The following ADSS2 variants were observed in gnomAD, a reference collection of about 807,000 sequenced individuals.
The protein encoded by ADSS2 is adenylosuccinate synthase 2, also known as adenylosuccinate synthetase isozyme 2.
In ADSS2, 30 loss-of-function variants were observed where a neutral mutation model predicts 60.0. The ratio of observed to expected loss-of-function variants is 0.50; its 90% CI spans 0.37 to 0.68. The LOEUF (loss-of-function observed/expected upper bound fraction) is 0.68, where lower values mean the gene tolerates loss of function less well. Ranked by LOEUF, ADSS2 falls within the 30% of genes least tolerant of loss-of-function variation. The pLI is 0.00. For synonymous variants in ADSS2, 187 were observed against 193.1 expected (o/e 0.97, Z 0.26); for missense variants, 373 against 554.8 (o/e 0.67, Z 3.29).
chr1:244,434,355 A>G (rs1322004373), intron 3 of ADSS2, among the ~76,000 whole-genome samples: 2 of 147,536 alleles, frequency 1.4e-5, no homozygotes, highest in African/African-American at 4.9e-5. Context: ...CATGTCTCCA[A>G]AAAAAAAAAA....
intron 7 of ADSS2, among the ~76,000 whole-genome samples, chr1:244,422,100 TA>T (rs1664688607): frequency 6.6e-6 from 1 of 152,246 alleles, no homozygotes; most frequent in Admixed American, 6.5e-5. Flanking sequence ...TTGTAGGTCA[TA>T]TTTTTTTAGA....
chr1:244,445,105 C>T (rs746605502), intron 1 of ADSS2, among the ~76,000 whole-genome samples: 10 of 152,170 alleles, frequency 6.6e-5, no homozygotes, highest in African/African-American at 1.7e-4. Context: ...CTGTCACCTA[C>T]GGGAAGCATC....
chr1:244,422,778 A>G, intron 7 of ADSS2, 57 bp downstream of exon 7: 1 of 1,323,208 alleles, frequency 7.6e-7, no homozygotes, highest in Non-Finnish European at 1.1e-6. Context: ...AAAGATCTAG[A>G]TGCCAATTTG....
intron 1 of ADSS2, among the ~76,000 whole-genome samples, chr1:244,441,464 TA>T (rs1665246205): frequency 6.6e-6 from 1 of 152,212 alleles, no homozygotes; most frequent in African/African-American, 2.4e-5. Context: ...TGTTATAAAG[TA>T]TTTGGTAATT....
intron 12 of ADSS2, among the ~76,000 whole-genome samples, chr1:244,409,914 C>T (rs573505783): frequency 2.8e-4 from 43 of 152,324 alleles, no homozygotes; most frequent in South Asian, 2.3e-3. Context: ...TATTGACCAA[C>T]ACCAGCAGAG....
intron 3 of ADSS2, among the ~76,000 whole-genome samples, chr1:244,434,247 T>A (rs908070199): frequency 9.3e-5 from 14 of 151,270 alleles, no homozygotes; most frequent in Admixed American, 2.6e-4. Flanking sequence ...TCCCAGCTAC[T>A]CGGGAGGCCG....
chr1:244,436,716 T>C, intron 3 of ADSS2, 109 bp downstream of exon 3: 1 of 914,260 alleles, frequency 1.1e-6, no homozygotes, highest in Non-Finnish European at 1.7e-6. Flanking sequence ...TCGTCTATAA[T>C]AGCCCGAAAT....
chr1:244,434,466 A>T (rs944809418), intron 3 of ADSS2, among the ~76,000 whole-genome samples: 4 of 152,214 alleles, frequency 2.6e-5, no homozygotes, highest in Non-Finnish European at 4.4e-5. Flanking sequence ...CTAATCTTTA[A>T]CAATGAAAAA....
intron 7 of ADSS2, 102 bp from the exon 8 acceptor site, chr1:244,420,398 A>C: frequency 3.8e-6 from 4 of 1,043,490 alleles, no homozygotes; most frequent in Non-Finnish European, 5.4e-6. Context: ...AAAACTGACA[A>C]ACGCAAAGTA....
intron 1 of ADSS2, among the ~76,000 whole-genome samples, chr1:244,445,303 G>A (rs1665357251): frequency 6.6e-6 from 1 of 152,194 alleles, no homozygotes; most frequent in East Asian, 1.9e-4. Context: ...ACACCTTGCT[G>A]AATTTACATC....
chr1:244,436,091 G>A (rs1375384338), intron 3 of ADSS2, among the ~76,000 whole-genome samples: 1 of 152,184 alleles, frequency 6.6e-6, no homozygotes, highest in African/African-American at 2.4e-5. Context: ...AACTGTGTGC[G>A]TGCCTATGTT....
At chr1:244,419,049 G>T in intron 8 of ADSS2, 135 bp from the exon 9 acceptor site, 1 of 804,538 alleles carries the variant, frequency 1.2e-6, no homozygotes. Flanking sequence ...CCCTCTCAAA[G>T]ACTCAGTGTT....
At position 244,420,058 on chromosome 1, in the gene ADSS2, T is replaced by C. The variant is rs530164941; in HGVS notation, c.790+112A>G. The C allele has an allele frequency of 1.8e-4, 213 of 1,152,928 alleles. 1 individual carries two copies. The African/African-American group carries it at 3.0e-3, about 16-fold the overall frequency. 71.4% of individuals were successfully genotyped at this position (1,152,928 alleles called of 1,614,324 possible). ...TGACAAATTTCATCATTCCTGAATATACAAGCTAAAAACATTGTTTTAAAA... is the reference window on the plus strand; with the variant it reads ...TGACAAATTTCATCATTCCTGAATACACAAGCTAAAAACATTGTTTTAAAA... On this transcript the variant is annotated intron_variant, in intron 8 of 12. Coordinates refer to ENST00000366535, the MANE Select transcript of ADSS2 (RefSeq NM_001126.5).
At chr1:244,424,985 C>A (rs1664771255) in intron 4 of ADSS2, 1 of 152,614 alleles carries the variant, frequency 6.6e-6, no homozygotes, top group Non-Finnish European at 1.5e-5. Flanking sequence ...TGCTCTGCCA[C>A]CCTCACTGCC....
At chr1:244,429,656 GA>G (rs1664887295) in intron 4 of ADSS2, among the ~76,000 whole-genome samples, 1 of 152,142 alleles carries the variant, frequency 6.6e-6, no homozygotes, top group Non-Finnish European at 1.5e-5. Flanking sequence ...AGGTCAGGTG[GA>G]TCATTTGAGG....
At chr1:244,420,073 T>C (rs1190263904) in intron 8 of ADSS2, 97 bp downstream of exon 8, 2 of 1,281,190 alleles carry the variant, frequency 1.6e-6, no homozygotes, top group African/African-American at 1.5e-5. Context: ...GCTAAAAACA[T>C]TGTTTTAAAA....
At position 244,429,391 on chromosome 1, in the gene ADSS2, A is replaced by C. The variant is rs532736090; in HGVS notation, c.406+3154T>G. Among the ~76,000 whole-genome samples the C allele has an allele frequency of 8.5e-5, 13 of 152,346 alleles. No homozygotes were observed. In the East Asian group the frequency reaches 2.3e-3, roughly 27 times the overall value. On this transcript the variant is annotated intron_variant, in intron 4 of 12. Coordinates refer to ENST00000366535, the MANE Select transcript of ADSS2 (RefSeq NM_001126.5). Reference sequence around the variant, plus strand: ...CATCTATATGCCAGATCCTGTATTCAGTTCTGAAATGAGAATTCTAATGCC... The same window carrying C: ...CATCTATATGCCAGATCCTGTATTCCGTTCTGAAATGAGAATTCTAATGCC...
intron 1 of ADSS2, among the ~76,000 whole-genome samples, chr1:244,450,417 A>C (rs558770140): frequency 3.9e-5 from 6 of 152,364 alleles, no homozygotes; most frequent in Admixed American, 2.6e-4. Context: ...AAAACAAAAC[A>C]AAACGAAACA....
intron 1 of ADSS2, among the ~76,000 whole-genome samples, chr1:244,446,185 A>G (rs1330308561): frequency 6.6e-6 from 1 of 152,192 alleles, no homozygotes; most frequent in Non-Finnish European, 1.5e-5. Flanking sequence ...TTCAGGGTAA[A>G]GATTGTAAGA....
Sources: gnomAD v4.1 joint callset for allele counts (sites outside exome capture counted in the v4.1 genomes callset) on GRCh38, gnomAD v4.1.1 for gene constraint, MANE v1.5 for transcripts, NCBI Gene and HGNC (gene_info 2026-07-23, HGNC 2026-07-21) for gene names.